ABCA13: variants seen among roughly 807,000 people sequenced by gnomAD.
ABCA13 encodes the protein ATP binding cassette subfamily A member 13, also known as ATP-binding cassette sub-family A member 13.
In ABCA13, 476 loss-of-function variants were observed where a neutral mutation model predicts 478.7. The observed-to-expected ratio is 0.99, with a 90% CI of 0.92 to 1.07. The LOEUF (loss-of-function observed/expected upper bound fraction) is 1.07, where lower values mean the gene tolerates loss of function less well. Among genes scored for constraint, ABCA13 ranks in the 50% least tolerant of loss-of-function variants. The pLI, the probability that ABCA13 is intolerant of heterozygous loss-of-function variation, is 0.00. For synonymous variants in ABCA13, 2,252 were observed against 2,158.9 expected (o/e 1.04, Z -1.20); for missense variants, 6,060 against 5,910.6 (o/e 1.03, Z -0.83).
At chr7:48,376,612 T>TG in intron 35 of ABCA13, 40 bp downstream of exon 35, 6 of 1,596,502 alleles carry the variant, frequency 3.8e-6, no homozygotes, top group Non-Finnish European at 5.1e-6. Context: ...CAATAAATTT[T>TG]AAAAACAGTT....
intron 55 of ABCA13, among the ~76,000 whole-genome samples, chr7:48,533,174 C>G (rs1042119939): frequency 2.0e-5 from 3 of 151,996 alleles, no homozygotes; most frequent in Non-Finnish European, 2.9e-5. Flanking sequence ...TGCTGTATCC[C>G]AGAGGTTTTG....
chr7:48,465,355 G>A (rs957579833), intron 43 of ABCA13, among the ~76,000 whole-genome samples: 12 of 152,102 alleles, frequency 7.9e-5, no homozygotes, highest in Admixed American at 7.9e-4. Context: ...TGTTCTGCAG[G>A]ATGTGGTTGG....
At chr7:48,366,261 G>A (rs1317413727) in intron 31 of ABCA13, among the ~76,000 whole-genome samples, 1 of 151,724 alleles carries the variant, frequency 6.6e-6, no homozygotes, top group Non-Finnish European at 1.5e-5. Context: ...CCTTTGCCTG[G>A]AGCAGTCTTC....
intron 47 of ABCA13, among the ~76,000 whole-genome samples, chr7:48,484,354 C>T (rs1829079153): frequency 6.6e-6 from 1 of 152,122 alleles, no homozygotes; most frequent in South Asian, 2.1e-4. Context: ...AACACACATT[C>T]ATGAAGATTT....
At chr7:48,368,689 A>G (rs201581464) in intron 32 of ABCA13, among the ~76,000 whole-genome samples, 978 of 39,204 alleles carry the variant, frequency 0.025, 10 homozygotes, top group African/African-American at 0.088. Context: ...GTGTATGTGT[A>G]TATATATATA....
intron 58 of ABCA13, among the ~76,000 whole-genome samples, chr7:48,610,572 A>G (rs1563503574): frequency 6.6e-6 from 1 of 152,192 alleles, no homozygotes; most frequent in African/African-American, 2.4e-5. Context: ...CTCAAATCCC[A>G]CATTTCTCTT....
intron 55 of ABCA13, among the ~76,000 whole-genome samples, chr7:48,549,694 G>T (rs1327096042): frequency 2.0e-5 from 3 of 151,744 alleles, no homozygotes; most frequent in Non-Finnish European, 4.4e-5. Context: ...GTATAAAAGC[G>T]ATTTTATTTC....
In ABCA13 at chr7:48,479,499, A is replaced by G. The variant is rs190170852; in HGVS notation, c.12976-1537A>G. Among the ~76,000 whole-genome samples, 12 of 152,202 alleles carry G rather than the reference A, an allele frequency of 7.9e-5. No individual in the cohort carries two copies. The East Asian group carries it at 2.1e-3, about 27-fold the overall frequency. ...GCGATCCACCCACCTCCGCCTCCCA[A>G]TGTGCTGGGATTACAGGTGTGAGCC... On this transcript the variant is annotated intron_variant, in intron 45 of 61. Coordinates refer to ENST00000435803, the MANE Select transcript of ABCA13 (RefSeq NM_152701.5).
intron 59 of ABCA13, among the ~76,000 whole-genome samples, chr7:48,640,618 A>C (rs1410592692): frequency 6.6e-6 from 1 of 152,240 alleles, no homozygotes; most frequent in Non-Finnish European, 1.5e-5. Flanking sequence ...ATGAGTGAAC[A>C]TAGAAATAAA....
intron 28 of ABCA13, among the ~76,000 whole-genome samples, chr7:48,335,897 G>A (rs1166100175): frequency 1.3e-5 from 2 of 152,118 alleles, no homozygotes; most frequent in South Asian, 2.1e-4. Context: ...TTTTTAAAAG[G>A]AACGACTTAC....
chr7:48,270,723 G>A (rs1795485531), intron 16 of ABCA13, among the ~76,000 whole-genome samples: 1 of 152,146 alleles, frequency 6.6e-6, no homozygotes, highest in African/African-American at 2.4e-5. Context: ...CAGCATTCTT[G>A]CCTTTGATAG....
chr7:48,177,595 A>G (rs1469069906), intron 1 of ABCA13, among the ~76,000 whole-genome samples: 2 of 152,168 alleles, frequency 1.3e-5, no homozygotes, highest in Admixed American at 6.5e-5. Flanking sequence ...CCCTTGAACT[A>G]TTCTCGTTTC....
intron 41 of ABCA13, 140 bp downstream of exon 41, chr7:48,412,723 T>C: frequency 1.7e-6 from 1 of 600,240 alleles, no homozygotes; most frequent in Non-Finnish European, 2.6e-6. Flanking sequence ...GATTTCTGAT[T>C]GGTAGCATAC....
chr7:48,471,449 T>C (rs1827484137), intron 44 of ABCA13, 81 bp from the exon 45 acceptor site: 1 of 1,271,262 alleles, frequency 7.9e-7, no homozygotes, highest in African/African-American at 1.5e-5. Flanking sequence ...TCTGTTCTAG[T>C]CTGATGAAAC....
intron 54 of ABCA13, among the ~76,000 whole-genome samples, chr7:48,526,153 TG>T (rs1832879955): frequency 6.6e-6 from 1 of 152,134 alleles, no homozygotes; most frequent in Admixed American, 6.6e-5. Context: ...GTAATATTTT[TG>T]GTTTTATGGT....
intron 29 of ABCA13, among the ~76,000 whole-genome samples, chr7:48,346,632 A>G (rs1021861593): frequency 5.9e-5 from 9 of 152,214 alleles, no homozygotes; most frequent in African/African-American, 2.2e-4. Flanking sequence ...CTCTCTCCTT[A>G]TAGCTGTTAC....
At chr7:48,390,409 A>ATTT (rs1815865003) in intron 37 of ABCA13, among the ~76,000 whole-genome samples, 1 of 152,236 alleles carries the variant, frequency 6.6e-6, no homozygotes, top group South Asian at 2.1e-4. Flanking sequence ...GGGAATGTGT[A>ATTT]TAAACTATTT....
At chr7:48,509,999 G>A (rs1409648727) in intron 50 of ABCA13, among the ~76,000 whole-genome samples, 1 of 152,202 alleles carries the variant, frequency 6.6e-6, no homozygotes, top group African/African-American at 2.4e-5. Flanking sequence ...CCAGAACTGT[G>A]AGCAATAAAG....
At chr7:48,609,583 G>A (rs1167096540) in intron 58 of ABCA13, among the ~76,000 whole-genome samples, 1 of 152,082 alleles carries the variant, frequency 6.6e-6, no homozygotes, top group Non-Finnish European at 1.5e-5. Flanking sequence ...TCTTACTAAG[G>A]GAGTTGAAAT....
Sources: allele counts gnomAD v4.1 joint callset (sites outside exome capture counted in the v4.1 genomes callset), GRCh38; gene constraint gnomAD v4.1.1; transcripts MANE v1.5; gene names NCBI Gene and HGNC (gene_info 2026-07-23, HGNC 2026-07-21).